LDLRAD4: variants seen among roughly 807,000 people sequenced by gnomAD.
LDLRAD4 encodes low density lipoprotein receptor class A domain containing 4.
A neutral mutation model predicts 17.0 loss-of-function variants in LDLRAD4; 5 were observed. The ratio of observed to expected loss-of-function variants is 0.29; its 90% CI spans 0.15 to 0.62. The LOEUF is 0.62. LDLRAD4 is among the 20% of genes least tolerant of loss of function. LDLRAD4 has a pLI of 0.84. For synonymous variants in LDLRAD4, 168 were observed against 171.8 expected (o/e 0.98, Z 0.17); for missense variants, 340 against 424.7 (o/e 0.80, Z 1.75).
At chr18:13,570,654 ATTG>A in intron 3 of LDLRAD4, among the ~76,000 whole-genome samples, 1 of 152,164 alleles carries the variant, frequency 6.6e-6, no homozygotes, top group Non-Finnish European at 1.5e-5. Flanking sequence ...GTCCCAGTTA[ATTG>A]GGAGATCCAG....
chr18:13,387,730 A>G (rs1599850208), exon 2 of LDLRAD4: 1 of 1,614,050 alleles, frequency 6.2e-7, no homozygotes, highest in Non-Finnish European at 8.5e-7. Context: ...AGTATGCCGG[A>G]AGCTGGTTTT....
chr18:13,475,617 A>G (rs769151307), intron 3 of LDLRAD4, among the ~76,000 whole-genome samples: 20 of 152,038 alleles, frequency 1.3e-4, no homozygotes, highest in Non-Finnish European at 2.8e-4. Context: ...GTGTCTTTGT[A>G]GCTTATGGTG....
intron 1 of LDLRAD4, among the ~76,000 whole-genome samples, chr18:13,344,992 G>A (rs1440294702): frequency 1.3e-5 from 2 of 152,174 alleles, no homozygotes; most frequent in Non-Finnish European, 2.9e-5. Context: ...CTGAGACAAT[G>A]GGGTTTTCTA....
At chr18:13,342,093 C>T (rs1003489326) in intron 1 of LDLRAD4, among the ~76,000 whole-genome samples, 4 of 152,022 alleles carry the variant, frequency 2.6e-5, no homozygotes, top group Non-Finnish European at 4.4e-5. Flanking sequence ...TTCCCTTGAT[C>T]GTATTGTATA....
At chr18:13,283,238 G>A (rs1485482328) in intron 1 of LDLRAD4, among the ~76,000 whole-genome samples, 1 of 152,216 alleles carries the variant, frequency 6.6e-6, no homozygotes, top group East Asian at 1.9e-4. Flanking sequence ...TGCTATTTAT[G>A]CACATTTCTG....
chr18:13,464,738 C>T (rs950474224), intron 3 of LDLRAD4, among the ~76,000 whole-genome samples: 1 of 146,110 alleles, frequency 6.8e-6, no homozygotes, highest in Non-Finnish European at 1.5e-5. Context: ...TTTTTTTTCA[C>T]ATCGCTGTAG....
intron 3 of LDLRAD4, among the ~76,000 whole-genome samples, chr18:13,452,752 A>G (rs954115998): frequency 2.0e-5 from 3 of 152,164 alleles, no homozygotes; most frequent in Admixed American, 1.3e-4. Flanking sequence ...CGTGTTTACT[A>G]ATTGCTAAGT....
At chr18:13,400,152 AAT>A (rs1273946339) in intron 2 of LDLRAD4, among the ~76,000 whole-genome samples, 1 of 152,172 alleles carries the variant, frequency 6.6e-6, no homozygotes, top group Non-Finnish European at 1.5e-5. Flanking sequence ...AAAACTGGAA[AAT>A]ATTTCGTGGA....
At chr18:13,250,871 C>T (rs1335171850) in intron 1 of LDLRAD4, among the ~76,000 whole-genome samples, 1 of 152,206 alleles carries the variant, frequency 6.6e-6, no homozygotes, top group Admixed American at 6.5e-5. Context: ...TTCTTCCTGA[C>T]TTATTCTACA....
intron 2 of LDLRAD4, among the ~76,000 whole-genome samples, chr18:13,425,766 C>T (rs1356664044): frequency 1.3e-5 from 2 of 152,104 alleles, no homozygotes; most frequent in African/African-American, 4.8e-5. Flanking sequence ...TTCCCGAGGT[C>T]GAGGCTCTGA....
chr18:13,439,978 C>G (rs1199561090), intron 3 of LDLRAD4, among the ~76,000 whole-genome samples: 4 of 152,198 alleles, frequency 2.6e-5, no homozygotes, highest in African/African-American at 9.6e-5. Context: ...CAGCATATTC[C>G]AGGCGCTAAG....
chr18:13,621,256 G>C lies in LDLRAD4; in HGVS notation c.321G>C (p.Glu107Asp), dbSNP rs754963561. 3.1e-6 allele frequency: 5 copies of C among 1,612,674 alleles called. No homozygotes were observed. The highest frequency in any genetic ancestry group is 2.2e-5 in the South Asian group (2 of 91,088). The change falls in exon 4 of 6, where the codon GAG becomes GAC. Residue 107 changes from glutamate (E) to aspartate (D), a missense_variant. Physicochemically the swap from Glu to Asp is conservative, Grantham distance 45. Transcript: ENST00000359446. This position sits in a 1 kb window ranked among gnomAD's most constrained non-coding sequence, Gnocchi z 5.5. ...GCCCGAACCAGAGCCGGAGGCGGGAGGACGGGCTGCCGCAGGTGAGTACCC... is the reference window on the plus strand; with the variant it reads ...GCCCGAACCAGAGCCGGAGGCGGGACGACGGGCTGCCGCAGGTGAGTACCC...
intron 1 of LDLRAD4, among the ~76,000 whole-genome samples, chr18:13,294,341 G>A (rs1455302586): frequency 2.6e-5 from 4 of 152,202 alleles, no homozygotes; most frequent in East Asian, 1.9e-4. Context: ...GCCGGTGTGC[G>A]GAAGCGTTGA....
intron 3 of LDLRAD4, among the ~76,000 whole-genome samples, chr18:13,502,590 G>C (rs1047447193): frequency 6.6e-5 from 10 of 152,182 alleles, no homozygotes; most frequent in African/African-American, 2.4e-4. Flanking sequence ...GTAAGTAGGG[G>C]AAAAGATAAA....
chr18:13,410,436 A>G (rs2088230296), intron 2 of LDLRAD4, among the ~76,000 whole-genome samples: 1 of 152,268 alleles, frequency 6.6e-6, no homozygotes, highest in Non-Finnish European at 1.5e-5. Flanking sequence ...GAGAGTAGAC[A>G]GGAACTCTAG....
intron 3 of LDLRAD4, chr18:13,491,309 C>G (rs1402793503): frequency 6.6e-6 from 1 of 152,228 alleles, no homozygotes; most frequent in Non-Finnish European, 1.5e-5. Context: ...CCACAGCTAG[C>G]CGGCTGCTCC....
intron 1 of LDLRAD4, among the ~76,000 whole-genome samples, chr18:13,383,755 C>G (rs2085570988): frequency 6.6e-6 from 1 of 152,078 alleles, no homozygotes; most frequent in Admixed American, 6.5e-5. Flanking sequence ...CCCTGCGCTG[C>G]CTGTTGGTCA....
intron 3 of LDLRAD4, chr18:13,519,629 G>T (rs1466676926): frequency 6.6e-6 from 1 of 152,322 alleles, no homozygotes; most frequent in East Asian, 1.9e-4. Context: ...TCAGGGTGTG[G>T]TGGCATGCAC....
chr18:13,572,322 C>T (rs576845391), intron 3 of LDLRAD4, among the ~76,000 whole-genome samples: 13 of 152,286 alleles, frequency 8.5e-5, no homozygotes, highest in Admixed American at 7.2e-4. Flanking sequence ...CCTTTGCAGC[C>T]GGCTGTCCTT....
Sources: gnomAD v4.1 joint callset for allele counts (sites outside exome capture counted in the v4.1 genomes callset) on GRCh38, gnomAD v4.1.1 for gene constraint, Gnocchi (gnomAD v3.1) non-coding constraint, MANE v1.5 for transcripts, NCBI Gene and HGNC (gene_info 2026-07-23, HGNC 2026-07-21) for gene names.